The following DNAJC13 variants were observed in gnomAD, a reference collection of about 807,000 sequenced individuals.
The protein encoded by DNAJC13 is DnaJ heat shock protein family (Hsp40) member C13.
DNAJC13 carries 75 observed loss-of-function variants against 290.5 expected under a neutral mutation model. The observed-to-expected ratio is 0.26, with a 90% confidence interval of 0.21 to 0.31. The LOEUF is 0.31. Ranked by LOEUF, DNAJC13 falls within the 10% of genes least tolerant of loss-of-function variation. The pLI, the probability that DNAJC13 is intolerant of heterozygous loss-of-function variation, is 1.00. For synonymous variants in DNAJC13, 862 were observed against 892.0 expected (o/e 0.97, Z 0.60); for missense variants, 2,260 against 2,674.5 (o/e 0.85, Z 3.42).
At chr3:132,453,802 C>A in intron 8 of DNAJC13, 108 bp downstream of exon 8, 5 of 929,900 alleles carry the variant, frequency 5.4e-6, no homozygotes, top group Non-Finnish European at 8.2e-6. Context: ...ATGGAATGGA[C>A]AGAATCTGTA....
Position 132,433,526 on chromosome 3 carries a change from C to T in DNAJC13, c.-13-1012C>T, listed in dbSNP as rs1285992502. Among the ~76,000 whole-genome samples the T allele has an allele frequency of 2.1e-4, 32 of 152,214 alleles. 1 individual carries two copies. Among genetic ancestry groups the T allele is most frequent in the Admixed American group, 2.1e-3 (32 of 15,288 alleles). ...TCCTGGTCTCAAGCGATCCTCCCAC[C>T]TCAGCCTCAGAATGGCTGGGGTTAT... On this transcript the variant is annotated intron_variant, in intron 1 of 55. Transcript: ENST00000260818.
rs1385054455 is a variant in DNAJC13 at position 132,538,287 on chromosome 3, T to C, written c.*5T>C. On this transcript the variant is annotated 3_prime_UTR_variant, in exon 56 of 56. Coordinates refer to ENST00000260818, the MANE Select transcript of DNAJC13 (RefSeq NM_015268.4). Reference sequence around the variant, plus strand: ...GACCTTGGCTATCAGACTTGAAATATTCACGAGAGACAATAAACGCTGAAA... The same window carrying C: ...GACCTTGGCTATCAGACTTGAAATACTCACGAGAGACAATAAACGCTGAAA... 11 of 1,611,638 alleles carry C rather than the reference T, an allele frequency of 6.8e-6. No homozygotes were observed. In the African/African-American group the frequency reaches 1.5e-4, roughly 22 times the overall value.
At chr3:132,447,206 CTA>C (rs1222031278) in intron 3 of DNAJC13, 113 bp from the exon 4 acceptor site, 12 of 919,832 alleles carry the variant, frequency 1.3e-5, no homozygotes, top group Admixed American at 3.7e-5. Context: ...TTTCTAGACT[CTA>C]TTTTATAAAA....
chr3:132,426,737 G>A (rs1020156229), intron 1 of DNAJC13, among the ~76,000 whole-genome samples: 1 of 151,926 alleles, frequency 6.6e-6, no homozygotes, highest in African/African-American at 2.4e-5. Context: ...CACTTTTAGA[G>A]CTTATTAATG....
At chr3:132,452,523 A>G (rs1029002397) in intron 6 of DNAJC13, among the ~76,000 whole-genome samples, 1 of 152,212 alleles carries the variant, frequency 6.6e-6, no homozygotes, top group Non-Finnish European at 1.5e-5. Flanking sequence ...TTTACAGGAC[A>G]TTGAGCATTT....
intron 6 of DNAJC13, 64 bp downstream of exon 6, chr3:132,450,911 A>T: frequency 1.0e-6 from 1 of 955,980 alleles, no homozygotes; most frequent in Non-Finnish European, 1.5e-6. Flanking sequence ...AGGAAAGCAA[A>T]GCTTTTTATA....
intron 17 of DNAJC13, among the ~76,000 whole-genome samples, chr3:132,465,235 G>C (rs1416515382): frequency 6.6e-6 from 1 of 152,024 alleles, no homozygotes; most frequent in Admixed American, 6.6e-5. Context: ...ATATGTTTGT[G>C]GGTGGTTATT....
Position 132,450,700 on chromosome 3 carries a change from G to C in DNAJC13, c.390G>C (p.Leu130Phe), listed in dbSNP as rs1281365635. The change falls in exon 6 of 56, where the codon TTG becomes TTC. Residue 130 changes from leucine (L) to phenylalanine (F), a missense_variant. By Grantham distance (22) the Leu-to-Phe change is conservative (BLOSUM62 0). Transcript: ENST00000260818. ...GTGACTCAAGAAAACCTGTAATTTT[G>C]GAAGTAACTCCAGGAGGCTTTGACC... is the stretch of plus-strand genomic sequence containing the variant. Reference protein sequence around the residue: ...HWSDSRKPVILEVTPGGFDQI... With the variant: ...HWSDSRKPVIFEVTPGGFDQI... 1 of 1,613,092 alleles carries C rather than the reference G, an allele frequency of 6.2e-7. No homozygotes were observed. The highest frequency in any genetic ancestry group is 8.5e-7 in the Non-Finnish European group (1 of 1,179,502).
chr3:132,488,467 G>C lies in DNAJC13; in HGVS notation c.3422+15G>C, dbSNP rs922036241. 4 of 1,591,326 alleles carry C rather than the reference G, an allele frequency of 2.5e-6. No individual in the cohort carries two copies. Among genetic ancestry groups the C allele is most frequent in the South Asian group, 2.3e-5 (2 of 86,402 alleles). ...CCTGTTGCTCGGTAAGAACTTTAAGGGTAATCTATTTAAAAGTATTATTTG... is the reference window on the plus strand; with the variant it reads ...CCTGTTGCTCGGTAAGAACTTTAAGCGTAATCTATTTAAAAGTATTATTTG... On this transcript the variant is annotated intron_variant, in intron 30 of 55. Coordinates refer to ENST00000260818, the MANE Select transcript of DNAJC13 (RefSeq NM_015268.4).
intron 2 of DNAJC13, among the ~76,000 whole-genome samples, chr3:132,439,859 G>C (rs1243337607): frequency 6.6e-6 from 1 of 152,162 alleles, no homozygotes; most frequent in East Asian, 1.9e-4. Flanking sequence ...TGGTGAAACT[G>C]ATGTTTCAAG....
chr3:132,483,598 T>G (rs1367204898), intron 28 of DNAJC13, 21 bp downstream of exon 28: 2 of 1,607,320 alleles, frequency 1.2e-6, no homozygotes, highest in Non-Finnish European at 1.7e-6. Flanking sequence ...ATTGAATGTT[T>G]CCATGGTTAA....
At chr3:132,420,352 A>C (rs1938919534) in intron 1 of DNAJC13, among the ~76,000 whole-genome samples, 1 of 152,178 alleles carries the variant, frequency 6.6e-6, no homozygotes, top group Admixed American at 6.5e-5. Flanking sequence ...TCTGGGGAGA[A>C]GGGTATCTCT....
chr3:132,508,806 C>T (rs1935677215), intron 43 of DNAJC13, among the ~76,000 whole-genome samples: 1 of 152,188 alleles, frequency 6.6e-6, no homozygotes, highest in African/African-American at 2.4e-5. Flanking sequence ...TGCCTGTGCT[C>T]TATAAATGGA....
intron 48 of DNAJC13, among the ~76,000 whole-genome samples, chr3:132,519,890 T>A (rs1292227787): frequency 1.3e-5 from 2 of 152,190 alleles, no homozygotes; most frequent in Non-Finnish European, 2.9e-5. Flanking sequence ...TACATCTCCA[T>A]GTGGCTGGGG....
In DNAJC13 at chr3:132,456,709, C is replaced by G. The variant is rs1023339427; in HGVS notation, c.1226C>G (p.Thr409Arg). 1 of 1,614,064 alleles carries G rather than the reference C, an allele frequency of 6.2e-7. No homozygotes were observed. The highest frequency in any genetic ancestry group is 8.5e-7 in the Non-Finnish European group (1 of 1,179,954). Residue 409 changes from threonine to arginine, a missense_variant, in exon 12 of 56, where the codon ACA becomes AGA. Physicochemically the swap from Thr to Arg is moderately conservative, Grantham distance 71 (BLOSUM62 -1). Transcript: ENST00000260818. ...NKEKLINNAI[T>R]ALLSQEGDVV... Reference sequence around the variant, plus strand: ...GAAAAACTGATCAATAATGCCATAACAGCATTACTGTCCCAAGAAGGGGAT... The same window carrying G: ...GAAAAACTGATCAATAATGCCATAAGAGCATTACTGTCCCAAGAAGGGGAT...
At chr3:132,426,278 C>T (rs947596844) in intron 1 of DNAJC13, among the ~76,000 whole-genome samples, 3 of 152,024 alleles carry the variant, frequency 2.0e-5, no homozygotes, top group Admixed American at 6.6e-5. Context: ...GAAGCTGACT[C>T]GCAAAAATTG....
At chr3:132,489,076 A>T (rs1934977551) in intron 31 of DNAJC13, 55 bp downstream of exon 31, 7 of 1,442,162 alleles carry the variant, frequency 4.9e-6, no homozygotes, top group Non-Finnish European at 6.8e-6. Flanking sequence ...TTTTGGCACT[A>T]TAAAGTTTCC....
intron 55 of DNAJC13, chr3:132,537,300 C>T (rs1160870786): frequency 4.4e-6 from 2 of 451,260 alleles, no homozygotes; most frequent in Admixed American, 4.7e-5. Context: ...CATGCCGCTC[C>T]CACTGCCTTT....
intron 2 of DNAJC13, among the ~76,000 whole-genome samples, chr3:132,442,682 T>C (rs919462582): frequency 6.6e-6 from 1 of 152,238 alleles, no homozygotes; most frequent in African/African-American, 2.4e-5. Context: ...TACCTAATGG[T>C]AACATAAGTT....
Sources: gnomAD v4.1 joint callset for allele counts (sites outside exome capture counted in the v4.1 genomes callset) on GRCh38, gnomAD v4.1.1 for gene constraint, MANE v1.5 for transcripts, NCBI Gene and HGNC (gene_info 2026-07-23, HGNC 2026-07-21) for gene names.